Variants in LRP6 observed in about 807,000 individuals in gnomAD.
LRP6 encodes the protein low-density lipoprotein receptor-related protein 6.
LRP6 carries 43 observed loss-of-function variants against 184.1 expected under a neutral mutation model. That is an observed-to-expected ratio of 0.23 (90% confidence interval 0.18 to 0.30). The LOEUF (loss-of-function observed/expected upper bound fraction) is 0.30. Ranked by LOEUF, LRP6 falls within the 10% of genes least tolerant of loss-of-function variation. The probability of loss-of-function intolerance (pLI) is 1.00; values close to 1 mark genes in which losing one functional copy is unlikely to be tolerated. For missense variants in LRP6, 1,571 were observed against 2,005.3 expected (o/e 0.78, Z 4.14); for synonymous variants, 719 against 684.9 (o/e 1.05, Z -0.78).
At chr12:12,131,697 AG>A in intron 18 of LRP6, 123 bp downstream of exon 18, 2 of 797,360 alleles carry the variant, frequency 2.5e-6, no homozygotes, top group Non-Finnish European at 4.5e-6. Context: ...CACTATGATC[AG>A]AAGTGATACA....
chr12:12,133,845 T>TTTGG (rs765444240), intron 17 of LRP6, among the ~76,000 whole-genome samples: 3 of 39,956 alleles, frequency 7.5e-5, no homozygotes, highest in Admixed American at 3.3e-4. Context: ...TGCTATTTTT[T>TTTGG]GGGGGGGGGG....
rs1215742659 is a variant in LRP6 at position 12,126,698 on chromosome 12, A to G, written c.4305T>C (p.Ser1435=). 6.2e-7 allele frequency: 1 copy of G among 1,613,642 alleles called. No homozygotes were observed. Among genetic ancestry groups the G allele is most frequent in the African/African-American group, 1.3e-5 (1 of 74,924 alleles). The change falls in exon 20 of 23, where the codon TCT becomes TCC. Residue 1435 remains serine (S), a synonymous_variant. Coordinates refer to ENST00000261349, the MANE Select transcript of LRP6 (RefSeq NM_002336.3). ...GGATCCATCCTGACTCACCTGGAAG[A>G]GATCCTGACAAAGAACTTGGGTGTG... The part of the protein sequence containing the change: ...YVPHPSSLSG[S]LPGMSRGKSM...
At chr12:12,242,210 C>T (rs1865084944) in intron 2 of LRP6, among the ~76,000 whole-genome samples, 1 of 152,162 alleles carries the variant, frequency 6.6e-6, no homozygotes, top group Non-Finnish European at 1.5e-5. Context: ...AACACTCTTC[C>T]TCTCTTCACA....
chr12:12,202,521 T>C (rs964763757), intron 3 of LRP6, among the ~76,000 whole-genome samples: 1 of 152,198 alleles, frequency 6.6e-6, no homozygotes, highest in Non-Finnish European at 1.5e-5. Context: ...CCAGCCCGGA[T>C]GACAAGGTGA....
chr12:12,126,715 T>G lies in LRP6; in HGVS notation c.4288A>C (p.Ser1430Arg), dbSNP rs1288419914. The change falls in exon 20 of 23, where the codon AGT becomes CGT. Residue 1430 changes from serine to arginine, a missense_variant. Around this residue, in one of 4 missense-constraint regions of LRP6, gnomAD observed 763 missense variants for 859.5 expected, o/e 0.89. Transcript: ENST00000261349. The part of the protein sequence containing the change: ...SVPLGYVPHP[S>R]SLSGSLPGMS... ...CCTGGAAGAGATCCTGACAAAGAAC[T>G]TGGGTGTGGCACATAACCAAGAGGC... 6.2e-6 allele frequency: 10 copies of G among 1,613,982 alleles called. No homozygotes were observed. Among genetic ancestry groups the G allele is most frequent in the Non-Finnish European group, 8.5e-6 (10 of 1,179,970 alleles).
At chr12:12,260,614 A>G (rs996404007) in intron 1 of LRP6, among the ~76,000 whole-genome samples, 1 of 152,162 alleles carries the variant, frequency 6.6e-6, no homozygotes, top group African/African-American at 2.4e-5. Flanking sequence ...TAATTCGGCC[A>G]TCTTAATAAT....
At chr12:12,222,566 C>CAAA (rs1219035988) in intron 2 of LRP6, among the ~76,000 whole-genome samples, 4 of 134,940 alleles carry the variant, frequency 3.0e-5, no homozygotes, top group Admixed American at 7.6e-5. Flanking sequence ...GACTCCGTCT[C>CAAA]AAAAAAAAAA....
At chr12:12,152,356 G>A (rs770895606) in intron 12 of LRP6, among the ~76,000 whole-genome samples, 2 of 151,934 alleles carry the variant, frequency 1.3e-5, no homozygotes, top group African/African-American at 4.8e-5. Flanking sequence ...GTGCGATCTC[G>A]GCTCACTGCA....
In LRP6 at chr12:12,175,347, C is replaced by A. The variant is rs557633358; in HGVS notation, c.1545+4463G>T. On this transcript the variant is annotated intron_variant, in intron 7 of 22. Coordinates refer to ENST00000261349, the MANE Select transcript of LRP6 (RefSeq NM_002336.3). ...GAGGTTGCTGTGAGCCGAGATCACG[C>A]CACTGCACTCCAGCCTGGGCGACAG... Among the ~76,000 whole-genome samples, 19 of 152,174 alleles carry A rather than the reference C, an allele frequency of 1.2e-4. No homozygotes were observed. The South Asian group carries it at 3.3e-3, about 27-fold the overall frequency.
intron 3 of LRP6, among the ~76,000 whole-genome samples, chr12:12,188,167 C>T (rs111900915): frequency 5.2e-4 from 77 of 148,300 alleles, no homozygotes; most frequent in African/African-American, 1.8e-3. Context: ...GCCGAGATCG[C>T]GCCACTGCAC....
chr12:12,125,734 T>G (rs1301351010), intron 20 of LRP6, among the ~76,000 whole-genome samples: 1 of 152,100 alleles, frequency 6.6e-6, no homozygotes, highest in Non-Finnish European at 1.5e-5. Context: ...CTTGGAGGAT[T>G]TGAAAGGATT....
chr12:12,253,220 C>T (rs1223295604), intron 1 of LRP6, among the ~76,000 whole-genome samples: 9 of 152,138 alleles, frequency 5.9e-5, no homozygotes, highest in African/African-American at 1.2e-4. Context: ...GCCAAGATCG[C>T]GCCACTGAAC....
rs190490684 is a variant in LRP6 at position 12,138,722 on chromosome 12, T to C, written c.3398-188A>G. 1,225 of 1,389,478 alleles carry C rather than the reference T, an allele frequency of 8.8e-4. 5 individuals carry two copies. Among genetic ancestry groups the C allele is most frequent in the Middle Eastern group, 1.8e-3 (7 of 3,818 alleles). The allele number at this position is 1,389,478 out of a possible 1,614,324, so 86.1% of individuals were successfully genotyped here. Reference sequence around the variant, plus strand: ...AAACAGCCAATAAACTAGATATTAATATGCAATCAAGAGCAAGTAAGTGCC... The same window carrying C: ...AAACAGCCAATAAACTAGATATTAACATGCAATCAAGAGCAAGTAAGTGCC... On this transcript the variant is annotated intron_variant, in intron 15 of 22. Transcript: ENST00000261349.
intron 2 of LRP6, among the ~76,000 whole-genome samples, chr12:12,237,442 G>A (rs1167002015): frequency 1.3e-5 from 2 of 152,072 alleles, no homozygotes; most frequent in Non-Finnish European, 2.9e-5. Flanking sequence ...AAACCATCAA[G>A]GAATGCTAAA....
chr12:12,190,411 CAG>C (rs1244611393), intron 3 of LRP6, among the ~76,000 whole-genome samples: 18 of 152,150 alleles, frequency 1.2e-4, no homozygotes, highest in African/African-American at 3.6e-4. Context: ...AGAAAAGAAA[CAG>C]AGACTCCCCC....
chr12:12,251,541 AT>A (rs1226229891), intron 1 of LRP6, among the ~76,000 whole-genome samples: 3 of 150,396 alleles, frequency 2.0e-5, no homozygotes, highest in African/African-American at 2.4e-5. Context: ...TTTTTTTTGC[AT>A]TTTTTTTAGT....
chr12:12,251,254 G>T (rs943825273), intron 1 of LRP6, among the ~76,000 whole-genome samples: 1 of 152,170 alleles, frequency 6.6e-6, no homozygotes, highest in Non-Finnish European at 1.5e-5. Flanking sequence ...GATTTGACGG[G>T]TTTATTTGTA....
At chr12:12,154,376 T>C (rs1009210923) in intron 12 of LRP6, among the ~76,000 whole-genome samples, 2 of 152,212 alleles carry the variant, frequency 1.3e-5, no homozygotes, top group African/African-American at 4.8e-5. Context: ...CCTGTCACCA[T>C]CACCCTTTCT....
rs566230036 is a variant in LRP6, at chr12:12,252,989, G to A, written c.56-8334C>T. On this transcript the variant is annotated intron_variant, in intron 1 of 22. Transcript: ENST00000261349. ...CTTTAAAATAAGGTTAATCGGCTGGGCGCAGTTGCTCACACCTTAATCCCA... is the reference window on the plus strand; with the variant it reads ...CTTTAAAATAAGGTTAATCGGCTGGACGCAGTTGCTCACACCTTAATCCCA... Among the ~76,000 whole-genome samples, 19 of 152,274 alleles carry A rather than the reference G, an allele frequency of 1.2e-4. No individual in the cohort carries two copies. The East Asian group carries it at 3.1e-3, about 25-fold the overall frequency.
Sources: allele counts gnomAD v4.1 joint callset (sites outside exome capture counted in the v4.1 genomes callset), GRCh38; gene constraint gnomAD v4.1.1; regional missense constraint gnomAD v4.1.1; transcripts MANE v1.5; gene names NCBI Gene and HGNC (gene_info 2026-07-23, HGNC 2026-07-21).